The following CAMTA1 variants were observed in gnomAD, a reference collection of about 807,000 sequenced individuals.
CAMTA1 encodes the protein calmodulin binding transcription activator 1.
CAMTA1 carries 27 observed loss-of-function variants against 170.9 expected under a neutral mutation model. The observed-to-expected ratio is 0.16, with a 90% CI of 0.12 to 0.22. The LOEUF is 0.22. CAMTA1 is among the 10% of genes least tolerant of loss of function. CAMTA1 has a pLI of 1.00. For missense variants in CAMTA1, 1,619 were observed against 2,217.2 expected, an observed-to-expected ratio of 0.73 and a Z score of 5.42; for synonymous variants, 833 against 891.5, an observed-to-expected ratio of 0.93 and a Z score of 1.17.
At chr1:7,302,474 G>C (rs1019652924) in intron 5 of CAMTA1, among the ~76,000 whole-genome samples, 46 of 152,182 alleles carry the variant, frequency 3.0e-4, no homozygotes, top group Admixed American at 1.5e-3. Context: ...CCGAAATATG[G>C]GCTGCCACGG....
At chr1:7,411,462 C>T (rs1229752303) in intron 5 of CAMTA1, among the ~76,000 whole-genome samples, 1 of 139,402 alleles carries the variant, frequency 7.2e-6, no homozygotes, top group Non-Finnish European at 1.5e-5. Context: ...TCGATAGAAC[C>T]TGGGAGGCGG....
chr1:6,825,525 C>T (rs1217766099), intron 3 of CAMTA1, among the ~76,000 whole-genome samples: 1 of 152,106 alleles, frequency 6.6e-6, no homozygotes, highest in Non-Finnish European at 1.5e-5. Flanking sequence ...GCCAGTTAAA[C>T]GTTAGTTGTT....
At chr1:6,812,783 T>C (rs1645335633) in intron 1 of CAMTA1, among the ~76,000 whole-genome samples, 1 of 152,236 alleles carries the variant, frequency 6.6e-6, no homozygotes, top group Non-Finnish European at 1.5e-5. Flanking sequence ...AATCAATTAA[T>C]CTGATTTCTC....
rs1448747512 is a variant in CAMTA1 at position 6,918,590 on chromosome 1, G to A, written c.234+93380G>A. 2.0e-5 allele frequency among the ~76,000 whole-genome samples: 3 copies of A among 152,186 alleles called. No homozygotes were observed. The highest frequency in any genetic ancestry group is 7.2e-5 in the African/African-American group (3 of 41,446). On this transcript the variant is annotated intron_variant, in intron 3 of 22. Coordinates refer to ENST00000303635, the MANE Select transcript of CAMTA1 (RefSeq NM_015215.4). The surrounding 1 kb of genome is among the most constrained non-coding windows in gnomAD (Gnocchi z 4.0). ...TATCTGGCATTGGGAAACCATCAAC[G>A]CCAGCCTGCCTTGCCGACAGCACCT...
chr1:7,569,565 C>G (rs568967110), intron 6 of CAMTA1, among the ~76,000 whole-genome samples: 1 of 151,604 alleles, frequency 6.6e-6, no homozygotes, highest in South Asian at 2.1e-4. Flanking sequence ...ATCAACATCA[C>G]CATCTTCATC....
chr1:7,757,975 A>G (rs1360948076), intron 22 of CAMTA1, among the ~76,000 whole-genome samples: 1 of 152,048 alleles, frequency 6.6e-6, no homozygotes, highest in Non-Finnish European at 1.5e-5. Context: ...TTTGAAATGT[A>G]AGAAAAAAAG....
chr1:7,139,016 T>C (rs1645713446), intron 4 of CAMTA1, among the ~76,000 whole-genome samples: 1 of 145,332 alleles, frequency 6.9e-6, no homozygotes, highest in African/African-American at 2.5e-5. Flanking sequence ...TATATATATA[T>C]ATAATTTTAT....
intron 3 of CAMTA1, among the ~76,000 whole-genome samples, chr1:6,862,326 A>G (rs138528821): frequency 1.8e-3 from 278 of 152,290 alleles, no homozygotes; most frequent in African/African-American, 5.4e-3. Context: ...TATATCATCA[A>G]GGTTCGTCCA....
At position 6,824,283 on chromosome 1, in the gene CAMTA1, A is replaced by G. The variant is rs1286149130; in HGVS notation, c.116-809A>G. On this transcript the variant is annotated intron_variant, in intron 2 of 22. Coordinates refer to ENST00000303635, the MANE Select transcript of CAMTA1 (RefSeq NM_015215.4). Reference sequence around the variant, plus strand: ...TTGAGTCAGGCAAAGAAACTTTGTTATAGGAGTGAAAAAATAAATGATATG... The same window carrying G: ...TTGAGTCAGGCAAAGAAACTTTGTTGTAGGAGTGAAAAAATAAATGATATG... 2.0e-5 allele frequency among the ~76,000 whole-genome samples: 3 copies of G among 152,208 alleles called. No individual in the cohort carries two copies. In the East Asian group the frequency reaches 5.8e-4, roughly 29 times the overall value.
chr1:7,023,313 T>C (rs1701622132), intron 3 of CAMTA1, among the ~76,000 whole-genome samples: 1 of 152,316 alleles, frequency 6.6e-6, no homozygotes, highest in African/African-American at 2.4e-5. Context: ...AAACTTGTTA[T>C]GGGGGATGAT....
chr1:7,377,840 G>C (rs2086962976), intron 5 of CAMTA1, among the ~76,000 whole-genome samples: 1 of 152,120 alleles, frequency 6.6e-6, no homozygotes, highest in Admixed American at 6.6e-5. Flanking sequence ...GGAATCGCTT[G>C]AACCCGGGAG....
At chr1:7,417,546 A>G (rs555590082) in intron 5 of CAMTA1, among the ~76,000 whole-genome samples, 146 of 150,652 alleles carry the variant, frequency 9.7e-4, no homozygotes, top group African/African-American at 3.4e-3. Flanking sequence ...GCAATCAGCG[A>G]GACTCCATGG....
chr1:7,011,825 T>C (rs1699853611), intron 3 of CAMTA1, among the ~76,000 whole-genome samples: 1 of 152,218 alleles, frequency 6.6e-6, no homozygotes, highest in Non-Finnish European at 1.5e-5. Context: ...CATTAATATA[T>C]GCTGGCTGTG....
intron 1 of CAMTA1, among the ~76,000 whole-genome samples, chr1:6,811,355 T>C (rs1645143004): frequency 6.6e-6 from 1 of 152,212 alleles, no homozygotes; most frequent in South Asian, 2.1e-4. Flanking sequence ...CTTGGGTTCA[T>C]TATGTTGTAT....
chr1:7,745,063 C>T lies in CAMTA1; in HGVS notation c.4370+41C>T, dbSNP rs193113846. ...GAGGTCACTACCCAGCATAGATTCCCGGATGTAATTGGAGGCAGGGGAGGC... is the reference window on the plus strand; with the variant it reads ...GAGGTCACTACCCAGCATAGATTCCTGGATGTAATTGGAGGCAGGGGAGGC... On this transcript the variant is annotated intron_variant, in intron 17 of 22. Transcript: ENST00000303635. 2.2e-5 allele frequency: 34 copies of T among 1,543,564 alleles called. No individual in the cohort carries two copies. In the Admixed American group the frequency reaches 3.7e-4, roughly 17 times the overall value.
At chr1:7,668,399 ACACACAC>A (rs2149197950) in intron 9 of CAMTA1, among the ~76,000 whole-genome samples, 1 of 137,964 alleles carries the variant, frequency 7.2e-6, no homozygotes, top group East Asian at 2.2e-4. Flanking sequence ...ACACACACAC[ACACACAC>A]ACACACACAC....
intron 3 of CAMTA1, among the ~76,000 whole-genome samples, chr1:7,074,581 A>C (rs899693357): frequency 6.6e-6 from 1 of 152,144 alleles, no homozygotes; most frequent in Non-Finnish European, 1.5e-5. Flanking sequence ...TTTTCTCCTC[A>C]ATGTTGTTAG....
chr1:7,204,326 G>A (rs1478867826), intron 4 of CAMTA1, among the ~76,000 whole-genome samples: 1 of 152,068 alleles, frequency 6.6e-6, no homozygotes, highest in Non-Finnish European at 1.5e-5. Flanking sequence ...TGGGGGAGAA[G>A]AAGTTTCACA....
rs560807005 is a variant in CAMTA1, at chr1:7,671,587, G to A, written c.2779+550G>A. Among the ~76,000 whole-genome samples, 99 of 152,360 alleles carry A rather than the reference G, an allele frequency of 6.5e-4. 1 individual carries two copies. Among genetic ancestry groups the A allele is most frequent in the Middle Eastern group, 3.4e-3 (1 of 294 alleles). The stretch of plus-strand genomic sequence containing the variant: ...GGCGGAGGGAGATGGGGTGGTGATG[G>A]GAGGTCAATCTAACAATAATCAGCA... On this transcript the variant is annotated intron_variant, in intron 10 of 22. Transcript: ENST00000303635.
Sources: gnomAD v4.1 joint callset for allele counts (sites outside exome capture counted in the v4.1 genomes callset) on GRCh38, gnomAD v4.1.1 for gene constraint, Gnocchi (gnomAD v3.1) non-coding constraint, MANE v1.5 for transcripts, NCBI Gene and HGNC (gene_info 2026-07-23, HGNC 2026-07-21) for gene names.